The following SATL1 variants were observed in gnomAD, a reference collection of about 807,000 sequenced individuals.
SATL1 encodes spermidine/spermine N1-acetyl transferase like 1, also known as spermidine/spermine N(1)-acetyltransferase-like protein 1.
Under a neutral mutation model 51.8 loss-of-function variants are expected in SATL1, and 47 were observed. The ratio of observed to expected loss-of-function variants is 0.91; its 90% CI spans 0.72 to 1.16. The LOEUF is 1.16. Among genes scored for constraint, SATL1 ranks in the 50% most tolerant of loss-of-function variants. SATL1 has a pLI of 0.00. For synonymous variants in SATL1, 176 were observed against 182.4 expected (o/e 0.97, Z 0.28); for missense variants, 520 against 526.4 (o/e 0.99, Z 0.12).
intron 2 of SATL1, among the ~76,000 whole-genome samples, chrX:85,138,665 A>T (rs1241115336): frequency 8.9e-6 from 1 of 112,075 alleles, no homozygotes; most frequent in Non-Finnish European, 1.9e-5. Flanking sequence ...CAGATTGGTA[A>T]CGAAAAAGTT....
chrX:85,128,398 T>G (rs191345763), intron 2 of SATL1, among the ~76,000 whole-genome samples: 257 of 112,410 alleles, frequency 2.3e-3, no homozygotes, highest in African/African-American at 8.1e-3. Context: ...TGATGACCAG[T>G]GATGATGAGC....
intron 2 of SATL1, among the ~76,000 whole-genome samples, chrX:85,123,711 C>A (rs1297300188): frequency 9.0e-6 from 1 of 111,526 alleles, no homozygotes; most frequent in Non-Finnish European, 1.9e-5. Context: ...TCTGCATGAC[C>A]CTTTGAACCC....
At chrX:85,233,260 AC>A (rs1026213609) in intron 1 of SATL1, among the ~76,000 whole-genome samples, 1 of 112,278 alleles carries the variant, frequency 8.9e-6, no homozygotes, top group Admixed American at 9.4e-5. Flanking sequence ...GCTGCAGTGA[AC>A]AAAAACTTAG....
intron 2 of SATL1, among the ~76,000 whole-genome samples, chrX:85,134,969 A>T (rs1433444520): frequency 8.9e-6 from 1 of 112,220 alleles, no homozygotes. Context: ...TTTTAGAGAG[A>T]TAACCCATGG....
intron 2 of SATL1, among the ~76,000 whole-genome samples, chrX:85,150,027 C>T (rs1283869581): frequency 9.0e-6 from 1 of 111,206 alleles, no homozygotes; most frequent in Admixed American, 9.6e-5. Context: ...AATCCAGGAT[C>T]TGGTTTTTTG....
intron 1 of SATL1, among the ~76,000 whole-genome samples, chrX:85,241,203 C>A (rs1928585490): frequency 9.1e-6 from 1 of 110,432 alleles, no homozygotes; most frequent in South Asian, 3.9e-4. Context: ...AACAGTAGAG[C>A]CATATATATA....
chrX:85,097,454 C>T (rs1486656277), intron 4 of SATL1, among the ~76,000 whole-genome samples: 1 of 112,351 alleles, frequency 8.9e-6, no homozygotes. Flanking sequence ...TCTCATGCCT[C>T]AGCCTCCCAT....
intron 2 of SATL1, among the ~76,000 whole-genome samples, chrX:85,186,000 A>C (rs1327802997): frequency 9.1e-6 from 1 of 110,429 alleles, no homozygotes; most frequent in African/African-American, 3.3e-5. Flanking sequence ...CCTGGTTACC[A>C]CTGCTGGTTA....
chrX:85,095,567 C>T (rs1267318169), intron 4 of SATL1, among the ~76,000 whole-genome samples: 2 of 92,505 alleles, frequency 2.2e-5, no homozygotes, highest in Non-Finnish European at 4.3e-5. Flanking sequence ...TGGCTCACGC[C>T]TGTAATCCCA....
intron 2 of SATL1, among the ~76,000 whole-genome samples, chrX:85,113,531 G>A (rs1330767491): frequency 1.8e-5 from 2 of 111,210 alleles, no homozygotes; most frequent in Admixed American, 1.9e-4. Context: ...CTACATTGCA[G>A]ACAAAAACTC....
In SATL1 at chrX:85,139,311, C is replaced by T. The variant is rs183436027; in HGVS notation, c.-312-30031G>A. Among the ~76,000 whole-genome samples the T allele has an allele frequency of 5.2e-3, 580 of 111,269 alleles. 3 individuals are homozygous for T. The highest frequency in any genetic ancestry group is 0.018 in the African/African-American group (540 of 30,640). ...TATATGTATATGTATTTATCATATA[C>T]GTAAATTGGGTACATATCTATACAC... On this transcript the variant is annotated intron_variant, in intron 2 of 7. Coordinates refer to ENST00000644105, the MANE Select transcript of SATL1 (RefSeq NM_001367857.2).
chrX:85,148,999 C>T (rs1456897179), intron 2 of SATL1, among the ~76,000 whole-genome samples: 1 of 111,134 alleles, frequency 9.0e-6, no homozygotes, highest in East Asian at 2.8e-4. Context: ...CTAAATGCTC[C>T]AATGAAAAGA....
intron 2 of SATL1, among the ~76,000 whole-genome samples, chrX:85,203,282 A>G (rs1464573511): frequency 1.8e-5 from 2 of 111,320 alleles, no homozygotes; most frequent in African/African-American, 6.6e-5. Flanking sequence ...GGTCCCACCC[A>G]GTGAGGAAGA....
At chrX:85,092,965 G>A in intron 7 of SATL1, 1 of 362,558 alleles carries the variant, frequency 2.8e-6, no homozygotes, top group Non-Finnish European at 4.8e-6. Flanking sequence ...AGGGTGTATA[G>A]TGTGGTTGTG....
chrX:85,205,279 C>A (rs1169955105), intron 2 of SATL1, among the ~76,000 whole-genome samples: 2 of 112,157 alleles, frequency 1.8e-5, no homozygotes, highest in African/African-American at 3.2e-5. Context: ...TTATTGAATG[C>A]CTACTATATG....
chrX:85,160,184 G>A (rs748140190), intron 2 of SATL1, among the ~76,000 whole-genome samples: 107 of 110,484 alleles, frequency 9.7e-4, no homozygotes, highest in African/African-American at 3.4e-3. Context: ...AAAAAATCTA[G>A]AGGACAGCGA....
intron 2 of SATL1, among the ~76,000 whole-genome samples, chrX:85,148,555 C>G (rs1332115408): frequency 9.0e-6 from 1 of 110,894 alleles, no homozygotes; most frequent in South Asian, 3.8e-4. Context: ...ATGTTAAGGG[C>G]AGCCAGAGAG....
intron 2 of SATL1, among the ~76,000 whole-genome samples, chrX:85,193,489 G>T (rs1927485600): frequency 8.9e-6 from 1 of 111,816 alleles, no homozygotes; most frequent in Admixed American, 9.5e-5. Context: ...CATATCTAGA[G>T]CATAGGGGGC....
intron 2 of SATL1, among the ~76,000 whole-genome samples, chrX:85,136,502 T>C (rs1021275699): frequency 8.9e-6 from 1 of 112,052 alleles, no homozygotes; most frequent in African/African-American, 3.2e-5. Flanking sequence ...GACAGTAATG[T>C]CACAGAATCT....
Sources: allele counts gnomAD v4.1 joint callset (sites outside exome capture counted in the v4.1 genomes callset), GRCh38; gene constraint gnomAD v4.1.1; transcripts MANE v1.5; gene names NCBI Gene and HGNC (gene_info 2026-07-23, HGNC 2026-07-21).